Variants in UBE4A observed in about 807,000 individuals in gnomAD.
The protein encoded by UBE4A is ubiquitination factor E4A, also known as ubiquitin conjugation factor E4 A.
In UBE4A, 48 loss-of-function variants were observed where a neutral mutation model predicts 117.9. The observed-to-expected ratio is 0.41, with a 90% CI of 0.32 to 0.52. The LOEUF (loss-of-function observed/expected upper bound fraction) is 0.52. Ranked by LOEUF, UBE4A falls within the 20% of genes least tolerant of loss-of-function variation. The pLI, the probability that UBE4A is intolerant of heterozygous loss-of-function variation, is 0.33. For missense variants in UBE4A, 1,067 were observed against 1,296.3 expected, an observed-to-expected ratio of 0.82 and a Z score of 2.72; for synonymous variants, 407 against 450.0, an observed-to-expected ratio of 0.90 and a Z score of 1.21.
At chr11:118,396,037 T>C (rs1448737124) in intron 19 of UBE4A, among the ~76,000 whole-genome samples, 2 of 150,344 alleles carry the variant, frequency 1.3e-5, no homozygotes, top group South Asian at 4.2e-4. Context: ...ATAACGCCAC[T>C]GCACTCCATC....
intron 1 of UBE4A, among the ~76,000 whole-genome samples, chr11:118,363,620 T>C (rs200180291): frequency 1.9e-4 from 23 of 123,388 alleles, no homozygotes; most frequent in South Asian, 7.4e-4. Flanking sequence ...TTTTTTTTTT[T>C]TTTTTTTTTG....
Position 118,375,203 on chromosome 11 carries a change from G to A in UBE4A, c.1424G>A (p.Arg475Gln), listed in dbSNP as rs145336832. Residue 475 changes from arginine (R) to glutamine (Q), a missense_variant, in exon 9 of 20, where the codon CGA becomes CAA. By Grantham distance (43) the Arg-to-Gln change is conservative (BLOSUM62 1). Transcript: ENST00000252108. ...CALKELNDEE[R>Q]KIKNVHMRGL... The stretch of plus-strand genomic sequence containing the variant: ...CTCAAGGAGTTGAATGATGAAGAAC[G>A]AAAAATTAAAAATGTACACATGAGA... The A allele has an allele frequency of 5.4e-4, 873 of 1,608,154 alleles. No individual in the cohort carries two copies. Among genetic ancestry groups the A allele is most frequent in the Non-Finnish European group, 6.7e-4 (793 of 1,176,380 alleles).
chr11:118,377,912 CAAAAA>C (rs56669473), intron 10 of UBE4A, among the ~76,000 whole-genome samples: 4 of 117,340 alleles, frequency 3.4e-5, no homozygotes, highest in Non-Finnish European at 7.3e-5. Flanking sequence ...AACCCTGTCT[CAAAAA>C]AAAAAAAAAA....
Position 118,396,508 on chromosome 11 carries a change from C to G in UBE4A, c.*68C>G. 1 of 1,459,610 alleles carries G rather than the reference C, an allele frequency of 6.9e-7. No individual in the cohort carries two copies. Among genetic ancestry groups the G allele is most frequent in the South Asian group, 1.4e-5 (1 of 71,124 alleles). 90.4% of individuals were successfully genotyped at this position (1,459,610 alleles called of 1,614,324 possible). On this transcript the variant is annotated 3_prime_UTR_variant, in exon 20 of 20. Transcript: ENST00000252108. ...ATAAACAATTGTTTGTGGTTTCTCT[C>G]TTTCTGGTTCTGTTCCTTTTCTTTC...
rs1591295505 is a variant in UBE4A, at chr11:118,368,939, A to G, written c.295+135A>G. On this transcript the variant is annotated intron_variant, in intron 3 of 19. Coordinates refer to ENST00000252108, the MANE Select transcript of UBE4A (RefSeq NM_001204077.2). ...GCACTCCCTGGAACTCAGGGTTTAT[A>G]TTTCAGTGAACCTTTTGGTATGACC... 4.5e-6 allele frequency: 4 copies of G among 890,510 alleles called. No individual in the cohort carries two copies. In the East Asian group the frequency reaches 1.0e-4, roughly 22 times the overall value. 55.2% of individuals were successfully genotyped at this position (890,510 alleles called of 1,614,324 possible).
intron 9 of UBE4A, among the ~76,000 whole-genome samples, chr11:118,375,693 A>G (rs1241870085): frequency 6.6e-6 from 1 of 152,186 alleles, no homozygotes; most frequent in Non-Finnish European, 1.5e-5. Context: ...GAGAGAAAAA[A>G]AAAAACACCT....
intron 18 of UBE4A, among the ~76,000 whole-genome samples, chr11:118,391,266 A>G (rs1170685353): frequency 6.6e-6 from 1 of 152,152 alleles, no homozygotes; most frequent in Admixed American, 6.6e-5. Context: ...GGGTGGGCAG[A>G]TCACTTGAGG....
At position 118,372,985 on chromosome 11, in the gene UBE4A, TAAAAAAA is replaced by T. The variant is rs34104337; in HGVS notation, c.722-91_722-85del. On this transcript the variant is annotated intron_variant, in intron 6 of 19. Coordinates refer to ENST00000252108, the MANE Select transcript of UBE4A (RefSeq NM_001204077.2). ...AGCAAAAAAACAAGACCCCCAGCTCTAAAAAAAAAAAAAAAAGAATTATTGAAAGTAA... is the reference window on the plus strand; with the variant it reads ...AGCAAAAAAACAAGACCCCCAGCTCTAAAAAAAAAGAATTATTGAAAGTAA... The T allele has an allele frequency of 1.9e-4, 178 of 961,640 alleles. 1 individual carries two copies. Among genetic ancestry groups the T allele is most frequent in the Non-Finnish European group, 2.4e-4 (160 of 680,070 alleles). 59.6% of individuals were successfully genotyped at this position (961,640 alleles called of 1,614,324 possible).
rs982747062 is a variant in UBE4A at position 118,372,551 on chromosome 11, C to T, written c.606C>T (p.Cys202=). ...PENLLPFAVQ[C]RNLTVSNTRT... The stretch of plus-strand genomic sequence containing the variant: ...ACCTGCTACCCTTTGCAGTGCAGTG[C>T]AGAAACCTCACTGTGTCCAATACCC... The change falls in exon 6 of 20, where the codon TGC becomes TGT. Residue 202 remains cysteine, a synonymous_variant. Transcript: ENST00000252108. 6.2e-7 allele frequency: 1 copy of T among 1,613,916 alleles called. No individual in the cohort carries two copies. The highest frequency in any genetic ancestry group is 8.5e-7 in the Non-Finnish European group (1 of 1,179,982).
chr11:118,377,947 G>A (rs774182450), intron 10 of UBE4A, among the ~76,000 whole-genome samples: 3 of 149,360 alleles, frequency 2.0e-5, no homozygotes, highest in Non-Finnish European at 4.4e-5. Context: ...ACTACTCCTG[G>A]TGATAAAAGA....
rs5795126 is a variant in UBE4A at position 118,396,547 on chromosome 11, C to CTTTTTTTTTTTTTTT, written c.*111_*125dup. 1.1e-5 allele frequency: 9 copies of CTTTTTTTTTTTTTTT among 817,884 alleles called. No individual in the cohort carries two copies. Among genetic ancestry groups the CTTTTTTTTTTTTTTT allele is most frequent in the African/African-American group, 2.1e-5 (1 of 47,762 alleles). The allele number at this position is 817,884 out of a possible 1,614,324, so 50.7% of individuals were successfully genotyped here. A position where few individuals can be genotyped will look rare whatever the true frequency, so the allele number is the denominator to read the frequency against. On this transcript the variant is annotated 3_prime_UTR_variant, in exon 20 of 20. Coordinates refer to ENST00000252108, the MANE Select transcript of UBE4A (RefSeq NM_001204077.2). ...TCCTTTTCTTTCTTCTTTTCTTTTT[C>CTTTTTTTTTTTTTTT]TTTTTTTTTTTTTTTTTTACTAAAT...
chr11:118,368,589 C>A, intron 2 of UBE4A, 42 bp from the exon 3 acceptor site: 1 of 1,602,472 alleles, frequency 6.2e-7, no homozygotes, highest in Non-Finnish European at 8.5e-7. Flanking sequence ...TTGGTTCTCT[C>A]TTAAAGGGGT....
intron 11 of UBE4A, among the ~76,000 whole-genome samples, chr11:118,379,987 T>C (rs148084489): frequency 0.014 from 2,202 of 152,310 alleles, 31 homozygotes; most frequent in Non-Finnish European, 0.023. Context: ...AAGGATTAAG[T>C]GTAATCAGAG....
At chr11:118,367,998 G>A (rs1259832408) in intron 2 of UBE4A, among the ~76,000 whole-genome samples, 3 of 152,208 alleles carry the variant, frequency 2.0e-5, no homozygotes, top group Non-Finnish European at 4.4e-5. Context: ...CACAGGGCAT[G>A]CAAAAGATGT....
intron 1 of UBE4A, among the ~76,000 whole-genome samples, chr11:118,361,194 G>A (rs1007480299): frequency 7.3e-5 from 11 of 151,700 alleles, no homozygotes; most frequent in African/African-American, 1.9e-4. Flanking sequence ...GCCTGTAATC[G>A]CTTTTAGTGG....
At chr11:118,385,798 T>C (rs1555127105) in intron 15 of UBE4A, among the ~76,000 whole-genome samples, 1 of 152,226 alleles carries the variant, frequency 6.6e-6, no homozygotes, top group Non-Finnish European at 1.5e-5. Flanking sequence ...GATTTCTTCA[T>C]AATCCTACGC....
At position 118,367,311 on chromosome 11, in the gene UBE4A, A is replaced by G. The variant is rs1948572309; in HGVS notation, c.122-1320A>G. Among the ~76,000 whole-genome samples, 5 of 152,254 alleles carry G rather than the reference A, an allele frequency of 3.3e-5. No homozygotes were observed. In the Middle Eastern group the frequency reaches 0.017, roughly 518 times the overall value. ...AAATAACAAGAAAGAATAAAAAGGT[A>G]CAAAAGATGTGACATGCAACTTATA... On this transcript the variant is annotated intron_variant, in intron 2 of 19. Transcript: ENST00000252108.
chr11:118,372,518 T>G lies in UBE4A; in HGVS notation c.573T>G (p.Val191=). The G allele has an allele frequency of 6.2e-7, 1 of 1,601,376 alleles. No homozygotes were observed. The highest frequency in any genetic ancestry group is 8.5e-7 in the Non-Finnish European group (1 of 1,176,908). ...CATGCTGTTTGCAGATTACCAAAGT[T>G]CCAGAGAACCTGCTACCCTTTGCAG... ...FQRAKEEITK[V]PENLLPFAVQ... Residue 191 remains valine (V), a synonymous_variant, in exon 6 of 20, where the codon GTT becomes GTG. Transcript: ENST00000252108.
At chr11:118,360,954 GA>G (rs960441954) in intron 1 of UBE4A, among the ~76,000 whole-genome samples, 1 of 148,268 alleles carries the variant, frequency 6.7e-6, no homozygotes, top group East Asian at 2.0e-4. Flanking sequence ...TTGAAAATAG[GA>G]AAAAAAATAC....
Sources: allele counts gnomAD v4.1 joint callset (sites outside exome capture counted in the v4.1 genomes callset), GRCh38; gene constraint gnomAD v4.1.1; transcripts MANE v1.5; gene names NCBI Gene and HGNC (gene_info 2026-07-23, HGNC 2026-07-21).